Variants in PTPRM observed in about 807,000 individuals in gnomAD.
The protein encoded by PTPRM is protein tyrosine phosphatase receptor type M.
In PTPRM, 47 loss-of-function variants were observed where a neutral mutation model predicts 186.7. The observed-to-expected ratio is 0.25, with a 90% CI of 0.20 to 0.32. The LOEUF (loss-of-function observed/expected upper bound fraction) is 0.32. PTPRM is among the 10% of genes least tolerant of loss of function. The probability of loss-of-function intolerance (pLI) is 1.00; values close to 1 mark genes in which losing one functional copy is unlikely to be tolerated. For synonymous variants in PTPRM, 668 were observed against 674.9 expected, an observed-to-expected ratio of 0.99 and a Z score of 0.16; for missense variants, 1,494 against 1,865.0, an observed-to-expected ratio of 0.80 and a Z score of 3.66.
At chr18:8,044,421 G>A (rs2086888731) in intron 7 of PTPRM, among the ~76,000 whole-genome samples, 1 of 152,188 alleles carries the variant, frequency 6.6e-6, no homozygotes, top group African/African-American at 2.4e-5. Flanking sequence ...AATGGAGGAT[G>A]TGTAAATATG....
At chr18:8,020,558 A>G (rs915622305) in intron 7 of PTPRM, among the ~76,000 whole-genome samples, 5 of 152,194 alleles carry the variant, frequency 3.3e-5, no homozygotes, top group Non-Finnish European at 7.3e-5. Context: ...AGAATTTTTA[A>G]AAATCTCTTT....
Position 7,685,926 on chromosome 18 carries a change from GTTC to G in PTPRM, c.74-88222_74-88220del, listed in dbSNP as rs540373093. On this transcript the variant is annotated intron_variant, in intron 1 of 32. Coordinates refer to ENST00000580170, the MANE Select transcript of PTPRM (RefSeq NM_001105244.2). ...TTGCAAGCAATAAAATTGGACTGCAGTTCACTTAAAGCAGAAAAGGAATTTATT... is the reference window on the plus strand; with the variant it reads ...TTGCAAGCAATAAAATTGGACTGCAGACTTAAAGCAGAAAAGGAATTTATT... 1.1e-4 allele frequency among the ~76,000 whole-genome samples: 16 copies of G among 152,248 alleles called. No individual in the cohort carries two copies. In the South Asian group the frequency reaches 3.3e-3, roughly 32 times the overall value.
chr18:8,027,833 A>G (rs904276199), intron 7 of PTPRM, among the ~76,000 whole-genome samples: 1 of 152,292 alleles, frequency 6.6e-6, no homozygotes. Flanking sequence ...AAGAAGTAGA[A>G]TTTATCACTG....
intron 1 of PTPRM, among the ~76,000 whole-genome samples, chr18:7,772,544 A>G (rs1180761324): frequency 6.8e-6 from 1 of 146,420 alleles, no homozygotes; most frequent in African/African-American, 2.6e-5. Flanking sequence ...GCAAAGATAA[A>G]TGGGTATACA....
chr18:7,972,654 A>G (rs958646881), intron 7 of PTPRM, among the ~76,000 whole-genome samples: 1 of 151,988 alleles, frequency 6.6e-6, no homozygotes, highest in Non-Finnish European at 1.5e-5. Flanking sequence ...AATGCTCCTA[A>G]TTTGAGTAAT....
At chr18:8,248,899 C>A (rs2094501970) in intron 17 of PTPRM, among the ~76,000 whole-genome samples, 1 of 152,160 alleles carries the variant, frequency 6.6e-6, no homozygotes, top group Non-Finnish European at 1.5e-5. Flanking sequence ...GAAATATTCC[C>A]AGCAGGGGGT....
intron 19 of PTPRM, among the ~76,000 whole-genome samples, chr18:8,262,504 A>C: frequency 6.6e-6 from 1 of 152,116 alleles, no homozygotes; most frequent in East Asian, 1.9e-4. Flanking sequence ...CCACCCTGCC[A>C]TCCTCCAGGC....
intron 1 of PTPRM, among the ~76,000 whole-genome samples, chr18:7,716,716 AAACATGAAAAAAGC>A (rs1256012118): frequency 6.6e-6 from 1 of 152,246 alleles, no homozygotes; most frequent in Admixed American, 6.5e-5. Flanking sequence ...TGCAACCAAT[AAACATGAAAAAAGC>A]TCATCATCAG....
intron 1 of PTPRM, among the ~76,000 whole-genome samples, chr18:7,702,328 T>C (rs978954682): frequency 2.0e-5 from 3 of 152,138 alleles, no homozygotes; most frequent in African/African-American, 7.2e-5. Flanking sequence ...GCATTCCTAT[T>C]TCTCCACATC....
intron 1 of PTPRM, 114 bp from the exon 2 acceptor site, chr18:7,774,035 A>G: frequency 9.3e-7 from 1 of 1,076,180 alleles, no homozygotes; most frequent in Non-Finnish European, 1.4e-6. Flanking sequence ...AGACCTAATC[A>G]GATTTAGTTT....
rs542776004 is a variant in PTPRM, at chr18:7,654,130, C to A, written c.73+86239C>A. 5.7e-4 allele frequency among the ~76,000 whole-genome samples: 86 copies of A among 152,016 alleles called. 1 individual carries two copies. The highest frequency in any genetic ancestry group is 1.8e-4 in the Non-Finnish European group (12 of 67,996). Reference sequence around the variant, plus strand: ...ATGTATGTCTTCTTTTGAAAATTATCTCTGTTCTTGTCTTTTGCCCACTTT... The same window carrying A: ...ATGTATGTCTTCTTTTGAAAATTATATCTGTTCTTGTCTTTTGCCCACTTT... On this transcript the variant is annotated intron_variant, in intron 1 of 32. Coordinates refer to ENST00000580170, the MANE Select transcript of PTPRM (RefSeq NM_001105244.2).
chr18:8,228,580 C>T (rs1247303964), intron 14 of PTPRM, among the ~76,000 whole-genome samples: 1 of 151,676 alleles, frequency 6.6e-6, no homozygotes, highest in Non-Finnish European at 1.5e-5. Flanking sequence ...TGGTGGCTCA[C>T]ACCTGTAATC....
intron 7 of PTPRM, chr18:7,995,611 G>T (rs1455163321): frequency 6.6e-6 from 1 of 152,146 alleles, no homozygotes; most frequent in Non-Finnish European, 1.5e-5. Flanking sequence ...TTCATTACTA[G>T]AGAAGTTTCT....
chr18:8,250,757 C>T (rs1280203351), intron 17 of PTPRM, among the ~76,000 whole-genome samples: 1 of 150,356 alleles, frequency 6.7e-6, no homozygotes, highest in African/African-American at 2.5e-5. Flanking sequence ...CCACTGCCCT[C>T]CAGCCTGGAT....
At position 8,336,568 on chromosome 18, in the gene PTPRM, GAGAGACAGAC is replaced by G. The variant is rs796575861; in HGVS notation, c.2957-6839_2957-6830del. Among the ~76,000 whole-genome samples, 109 of 147,106 alleles carry G rather than the reference GAGAGACAGAC, an allele frequency of 7.4e-4. No individual in the cohort carries two copies. The East Asian group carries it at 0.016, about 22-fold the overall frequency. On this transcript the variant is annotated intron_variant, in intron 22 of 32. Transcript: ENST00000580170. ...CTCTGTCTCAAAAAAAAGAAAGAAA[GAGAGACAGAC>G]AGAGACAGACAGAGAGAGAGAAAAG...
chr18:7,584,989 A>G (rs779504957), intron 1 of PTPRM, among the ~76,000 whole-genome samples: 8 of 152,330 alleles, frequency 5.3e-5, no homozygotes, highest in Non-Finnish European at 7.3e-5. Flanking sequence ...CTATTTCTCA[A>G]CTGACATAGA....
intron 14 of PTPRM, among the ~76,000 whole-genome samples, chr18:8,240,443 A>AAGAG (rs535128651): frequency 3.3e-5 from 3 of 91,072 alleles, no homozygotes; most frequent in South Asian, 4.1e-4. Flanking sequence ...CTCAAAAATA[A>AAGAG]AGAGAGAGAG....
chr18:7,866,698 T>G (rs1458935448), intron 2 of PTPRM, among the ~76,000 whole-genome samples: 2 of 152,238 alleles, frequency 1.3e-5, no homozygotes, highest in African/African-American at 2.4e-5. Context: ...AAATGTCTAT[T>G]AGGTCCACTT....
At chr18:7,838,576 C>T (rs2046171354) in intron 2 of PTPRM, among the ~76,000 whole-genome samples, 1 of 152,222 alleles carries the variant, frequency 6.6e-6, no homozygotes, top group South Asian at 2.1e-4. Flanking sequence ...CACAAGCACC[C>T]CTGTGCCCAC....
Sources: gnomAD v4.1 joint callset for allele counts (sites outside exome capture counted in the v4.1 genomes callset) on GRCh38, gnomAD v4.1.1 for gene constraint, MANE v1.5 for transcripts, NCBI Gene and HGNC (gene_info 2026-07-23, HGNC 2026-07-21) for gene names.